GXYLT2: variants seen among roughly 807,000 people sequenced by gnomAD.
The protein encoded by GXYLT2 is glycosyltransferase 8 domain containing 4.
In GXYLT2, 53 loss-of-function variants were observed where a neutral mutation model predicts 45.8. The observed-to-expected ratio is 1.16, with a 90% CI of 0.93 to 1.46. The LOEUF (loss-of-function observed/expected upper bound fraction) is 1.46, where lower values mean the gene tolerates loss of function less well. GXYLT2 is among the 40% of genes most tolerant of loss of function. The pLI, the probability that GXYLT2 is intolerant of heterozygous loss-of-function variation, is 0.00. For missense variants in GXYLT2, 551 were observed against 544.4 expected (o/e 1.01, Z -0.12); for synonymous variants, 219 against 214.2 (o/e 1.02, Z -0.19).
rs1227506410 is a variant in GXYLT2, at chr3:72,975,718, T to G, written c.*559T>G. The G allele has an allele frequency of 6.6e-6, 1 of 152,228 alleles. No individual in the cohort carries two copies. The highest frequency in any genetic ancestry group is 6.5e-5 in the Admixed American group (1 of 15,288). 9.4% of individuals were successfully genotyped at this position (152,228 alleles called of 1,614,324 possible). On this transcript the variant is annotated 3_prime_UTR_variant, in exon 7 of 7. Transcript: ENST00000389617. ...AACCTTTTTTCTCTACTTTTGCATT[T>G]TCCACTCTAACACACATCTAAAACA...
At chr3:72,892,819 T>C (rs116403962) in intron 1 of GXYLT2, among the ~76,000 whole-genome samples, 1,895 of 152,350 alleles carry the variant, frequency 0.012, 42 homozygotes, top group African/African-American at 0.042. Flanking sequence ...TATGATATTA[T>C]GTAGTGTGAG....
At chr3:72,948,664 C>T (rs1275814077) in intron 3 of GXYLT2, among the ~76,000 whole-genome samples, 1 of 151,832 alleles carries the variant, frequency 6.6e-6, no homozygotes, top group Non-Finnish European at 1.5e-5. Flanking sequence ...TGGTGAAACC[C>T]CGTCTCTACT....
rs1449136805 is a variant in GXYLT2, at chr3:72,908,520, C to G, written c.429C>G (p.Ile143Met). 1 of 1,613,628 alleles carries G rather than the reference C, an allele frequency of 6.2e-7. No homozygotes were observed. Residue 143 changes from isoleucine (I) to methionine (M), a missense_variant, in exon 2 of 7, where the codon ATC becomes ATG. Ile to Met is a conservative substitution (Grantham distance 10). Transcript: ENST00000389617. Reference sequence around the variant, plus strand: ...GCCACAGGAAGATCCAATTCCACATCTTCACTGAAGACTCTCTGAAGCCCG... The same window carrying G: ...GCCACAGGAAGATCCAATTCCACATGTTCACTGAAGACTCTCTGAAGCCCG... ...LFSHRKIQFH[I>M]FTEDSLKPEF...
chr3:72,965,635 G>A (rs1710852692), intron 5 of GXYLT2, among the ~76,000 whole-genome samples: 1 of 152,146 alleles, frequency 6.6e-6, no homozygotes, highest in Admixed American at 6.5e-5. Flanking sequence ...AATAGGATTA[G>A]GGCAGAGTTT....
At chr3:72,915,365 G>T (rs771251568) in intron 2 of GXYLT2, among the ~76,000 whole-genome samples, 8 of 132,174 alleles carry the variant, frequency 6.1e-5, no homozygotes, top group South Asian at 2.7e-4. Flanking sequence ...GCGGGGGGGG[G>T]GGGGATTTAG....
chr3:72,896,480 T>C (rs1325902128), intron 1 of GXYLT2, among the ~76,000 whole-genome samples: 1 of 152,094 alleles, frequency 6.6e-6, no homozygotes, highest in Non-Finnish European at 1.5e-5. Context: ...TAGGTATGAC[T>C]TGAGGAAACT....
intron 3 of GXYLT2, among the ~76,000 whole-genome samples, chr3:72,926,046 T>C (rs759237163): frequency 3.9e-5 from 6 of 152,190 alleles, no homozygotes; most frequent in Non-Finnish European, 7.3e-5. Flanking sequence ...GGAATTCATC[T>C]CTTTAAAACC....
chr3:72,956,888 T>A (rs561266277), intron 4 of GXYLT2, among the ~76,000 whole-genome samples: 75 of 107,858 alleles, frequency 7.0e-4, no homozygotes, highest in Non-Finnish European at 1.1e-3. Flanking sequence ...AGACTCTGTC[T>A]CAAAACAAAA....
intron 3 of GXYLT2, among the ~76,000 whole-genome samples, chr3:72,948,950 TG>T (rs1710463110): frequency 6.6e-6 from 1 of 151,872 alleles, no homozygotes; most frequent in African/African-American, 2.4e-5. Context: ...CTAGGAGAAC[TG>T]TCATGGTGCC....
Position 72,954,352 on chromosome 3 carries a change from T to G in GXYLT2, c.601-746T>G, listed in dbSNP as rs11919649. On this transcript the variant is annotated intron_variant, in intron 3 of 6. Transcript: ENST00000389617. The stretch of plus-strand genomic sequence containing the variant: ...CGATCTCTTGACCTCGTGATCCGCC[T>G]GCCTTGGCCTCCCAAAGTGCTGGAA... Among the ~76,000 whole-genome samples, 548 of 150,840 alleles carry G rather than the reference T, an allele frequency of 3.6e-3. 3 individuals are homozygous for G. The highest frequency in any genetic ancestry group is 0.013 in the African/African-American group (524 of 40,848).
At chr3:72,945,884 T>C (rs548248123) in intron 3 of GXYLT2, among the ~76,000 whole-genome samples, 1 of 152,300 alleles carries the variant, frequency 6.6e-6, no homozygotes, top group South Asian at 2.1e-4. Flanking sequence ...CTAATCACAG[T>C]TTTAGTACTT....
At chr3:72,896,734 A>G (rs970382136) in intron 1 of GXYLT2, among the ~76,000 whole-genome samples, 3 of 152,132 alleles carry the variant, frequency 2.0e-5, no homozygotes, top group Non-Finnish European at 4.4e-5. Context: ...CTGTAATCCC[A>G]GCTACTCTGG....
chr3:72,964,333 T>A (rs190998541), intron 5 of GXYLT2, among the ~76,000 whole-genome samples: 45 of 151,830 alleles, frequency 3.0e-4, no homozygotes, highest in African/African-American at 1.1e-3. Context: ...TTTTCTTTTC[T>A]TTTTTTTGAG....
chr3:72,901,713 A>G (rs560012728), intron 1 of GXYLT2, among the ~76,000 whole-genome samples: 1 of 148,198 alleles, frequency 6.7e-6, no homozygotes, highest in Non-Finnish European at 1.5e-5. Context: ...GGCATGCACC[A>G]CCACACCTAG....
rs778466773 is a variant in GXYLT2 at position 72,908,445 on chromosome 3, C to T, written c.354C>T (p.Gly118=). Residue 118 remains glycine (G), a synonymous_variant, in exon 2 of 7, where the codon GGC becomes GGT. Coordinates refer to ENST00000389617, the MANE Select transcript of GXYLT2 (RefSeq NM_001080393.2). Reference sequence around the variant, plus strand: ...TCCACCTGGCTGTGGTGGCCTGTGGCAATCGGCTGGAGGAGACGCTGGTCA... The same window carrying T: ...TCCACCTGGCTGTGGTGGCCTGTGGTAATCGGCTGGAGGAGACGCTGGTCA... ...LWIHLAVVAC[G]NRLEETLVML... is the part of the protein sequence containing the mutation. 33 of 1,613,846 alleles carry T rather than the reference C, an allele frequency of 2.0e-5. No individual in the cohort carries two copies. The highest frequency in any genetic ancestry group is 2.8e-5 in the Non-Finnish European group (33 of 1,179,886).
chr3:72,949,063 A>G lies in GXYLT2; in HGVS notation c.601-6035A>G, dbSNP rs373668324. Among the ~76,000 whole-genome samples, 13 of 152,240 alleles carry G rather than the reference A, an allele frequency of 8.5e-5. No individual in the cohort carries two copies. The East Asian group carries it at 1.5e-3, about 18-fold the overall frequency. ...TTGCTGAGGATTGGATGCGGGCAGT[A>G]TGGGTAGGCGAGGAAGCAAGGATGA... On this transcript the variant is annotated intron_variant, in intron 3 of 6. Transcript: ENST00000389617.
chr3:72,901,996 G>A (rs1709417955), intron 1 of GXYLT2, among the ~76,000 whole-genome samples: 1 of 152,080 alleles, frequency 6.6e-6, no homozygotes, highest in Non-Finnish European at 1.5e-5. Context: ...TTATGTTGTA[G>A]CATGCATCGT....
chr3:72,947,340 GGTAATAGAGCA>G (rs1710430309), intron 3 of GXYLT2, among the ~76,000 whole-genome samples: 1 of 152,096 alleles, frequency 6.6e-6, no homozygotes, highest in Non-Finnish European at 1.5e-5. Context: ...TGACTTTGAC[GGTAATAGAGCA>G]GTAATGAAAG....
At chr3:72,967,408 T>C in intron 5 of GXYLT2, 139 bp from the exon 6 acceptor site, 1 of 585,340 alleles carries the variant, frequency 1.7e-6, no homozygotes, top group South Asian at 2.8e-5. Flanking sequence ...CAAAATTTGA[T>C]CTATGAGTAA....
Sources: allele counts gnomAD v4.1 joint callset (sites outside exome capture counted in the v4.1 genomes callset), GRCh38; gene constraint gnomAD v4.1.1; transcripts MANE v1.5; gene names NCBI Gene and HGNC (gene_info 2026-07-23, HGNC 2026-07-21).